Variants in TLL2 observed in about 807,000 individuals in gnomAD.
The protein encoded by TLL2 is tolloid like 2.
TLL2 carries 106 observed loss-of-function variants against 123.0 expected under a neutral mutation model. That is an observed-to-expected ratio of 0.86 (90% CI 0.74 to 1.01). The LOEUF (loss-of-function observed/expected upper bound fraction) is 1.01, where lower values mean the gene tolerates loss of function less well. Ranked by LOEUF, TLL2 falls within the 50% of genes least tolerant of loss-of-function variation. The probability of loss-of-function intolerance (pLI) is 0.00; values close to 1 mark genes in which losing one functional copy is unlikely to be tolerated. For synonymous variants in TLL2, 494 were observed against 516.8 expected, an observed-to-expected ratio of 0.96 and a Z score of 0.60; for missense variants, 1,332 against 1,336.7, an observed-to-expected ratio of 1.00 and a Z score of 0.06.
At position 96,413,184 on chromosome 10, in the gene TLL2, A is replaced by G; in HGVS notation, c.1048+8T>C. ...GAGGTGCTGGCAGTCCCCACGGCTC[A>G]TAGTTACCTGGGCATTTGTACAGCT... On this transcript the variant is annotated splice_region_variant and intron_variant, in intron 8 of 20. Coordinates refer to ENST00000357947, the MANE Select transcript of TLL2 (RefSeq NM_012465.4). 2 of 1,613,878 alleles carry G rather than the reference A, an allele frequency of 1.2e-6. No homozygotes were observed. Among genetic ancestry groups the G allele is most frequent in the East Asian group, 2.2e-5 (1 of 44,860 alleles).
At chr10:96,456,339 CAT>C (rs1210935990) in intron 2 of TLL2, among the ~76,000 whole-genome samples, 6 of 152,182 alleles carry the variant, frequency 3.9e-5, no homozygotes, top group East Asian at 1.9e-4. Context: ...CTCACAGACA[CAT>C]GTGTGTATTC....
At chr10:96,370,548 G>C (rs1250203055) in intron 19 of TLL2, among the ~76,000 whole-genome samples, 1 of 152,232 alleles carries the variant, frequency 6.6e-6, no homozygotes, top group African/African-American at 2.4e-5. Context: ...CCCAGCTTGA[G>C]AATACGTGAG....
rs1846703756 is a variant in TLL2 at position 96,428,689 on chromosome 10, TC to T, written c.579del (p.Thr194ProfsTer3). ...AMRHWEKHTC[V>X]TFIERTDEES... ...TCCTCATCCGTCCTTTCTATGAAGG[TC>T]ACACAGGTGTGCTTCTCCCAGTGTC... is the stretch of plus-strand genomic sequence containing the variant. On this transcript the variant is annotated frameshift_variant, in exon 5 of 21. Coordinates refer to ENST00000357947, the MANE Select transcript of TLL2 (RefSeq NM_012465.4). LOFTEE classifies it high-confidence loss of function. 2 of 1,613,984 alleles carry T rather than the reference TC, an allele frequency of 1.2e-6. No homozygotes were observed. The highest frequency in any genetic ancestry group is 8.5e-7 in the Non-Finnish European group (1 of 1,179,990).
intron 18 of TLL2, chr10:96,374,380 G>T: frequency 6.3e-6 from 1 of 159,066 alleles, no homozygotes. Flanking sequence ...GCCATGATCT[G>T]GTGCTCTGGC....
At position 96,367,882 on chromosome 10, in the gene TLL2, A is replaced by G. The variant is rs1846043958; in HGVS notation, c.*206T>C. 1.0e-5 allele frequency: 6 copies of G among 586,742 alleles called. No homozygotes were observed. Among genetic ancestry groups the G allele is most frequent in the African/African-American group, 9.3e-5 (5 of 53,800 alleles). The allele number at this position is 586,742 out of a possible 1,614,324, so 36.3% of individuals were successfully genotyped here. On this transcript the variant is annotated 3_prime_UTR_variant, in exon 21 of 21. Transcript: ENST00000357947. ...TCATGAATGATAACATTGCAGACAG[A>G]AGCAAAAGAACATTTTTCTCTCCAC...
chr10:96,505,254 T>A (rs1032550452), intron 1 of TLL2, among the ~76,000 whole-genome samples: 1 of 152,096 alleles, frequency 6.6e-6, no homozygotes, highest in Admixed American at 6.6e-5. Context: ...TTGTGAGAAC[T>A]CGCTCACCAT....
At chr10:96,396,734 C>T (rs1846345646) in intron 11 of TLL2, among the ~76,000 whole-genome samples, 1 of 152,070 alleles carries the variant, frequency 6.6e-6, no homozygotes, top group Non-Finnish European at 1.5e-5. Flanking sequence ...CCAGGGTAGC[C>T]TCAGAGGCCC....
chr10:96,476,234 A>ATTTTTTTTTTTTTTTTT (rs1232966569), intron 2 of TLL2, among the ~76,000 whole-genome samples: 3 of 21,520 alleles, frequency 1.4e-4, no homozygotes, highest in African/African-American at 5.4e-4. Context: ...ATATATATAT[A>ATTTTTTTTTTTTTTTTT]TATATATTTT....
intron 2 of TLL2, among the ~76,000 whole-genome samples, chr10:96,463,985 C>G (rs1378662188): frequency 6.6e-6 from 1 of 152,218 alleles, no homozygotes; most frequent in Non-Finnish European, 1.5e-5. Flanking sequence ...ACAAAACACC[C>G]AAGCCCTCTC....
At chr10:96,394,039 A>G (rs1240368059) in intron 13 of TLL2, among the ~76,000 whole-genome samples, 1 of 152,204 alleles carries the variant, frequency 6.6e-6, no homozygotes, top group Non-Finnish European at 1.5e-5. Context: ...TCTGGGTGAC[A>G]GTGCAGAAGT....
Position 96,405,251 on chromosome 10 carries a change from C to T in TLL2, c.1248G>A (p.Trp416Ter). 6.2e-7 allele frequency: 1 copy of T among 1,614,152 alleles called. No individual in the cohort carries two copies. Among genetic ancestry groups the T allele is most frequent in the Non-Finnish European group, 8.5e-7 (1 of 1,180,012 alleles). The change falls in exon 10 of 21, where the codon TGG becomes TGA. Residue 416 changes from tryptophan to a stop codon, truncating the protein, a stop_gained. Transcript: ENST00000357947. LOFTEE classifies it high-confidence loss of function. ...ACTTACCCAAAAGGGGGGCTTTTCTCCAGTAACCATCCCGGACCTCCACGT... is the reference window on the plus strand; with the variant it reads ...ACTTACCCAAAAGGGGGGCTTTTCTTCAGTAACCATCCCGGACCTCCACGT... Reference protein sequence around the residue: ...YDYVEVRDGYWRKAPLLGRFC... With the variant: ...YDYVEVRDGY
chr10:96,392,877 C>A (rs1283636254), intron 13 of TLL2, among the ~76,000 whole-genome samples: 1 of 152,088 alleles, frequency 6.6e-6, no homozygotes, highest in Non-Finnish European at 1.5e-5. Flanking sequence ...AGGAGATTCT[C>A]CTGGATTATC....
Position 96,370,047 on chromosome 10 carries a change from A to C in TLL2, c.2913+18T>G, listed in dbSNP as rs1245404327. ...AATCATCACACTCTGCCCCGGCCCC[A>C]GCGTCTCCGGGACTTACCCCAGAGC... On this transcript the variant is annotated intron_variant, in intron 20 of 20. Transcript: ENST00000357947. The C allele has an allele frequency of 1.5e-5, 23 of 1,552,820 alleles. No individual in the cohort carries two copies. The highest frequency in any genetic ancestry group is 1.9e-5 in the Non-Finnish European group (22 of 1,151,478).
At chr10:96,419,519 G>C (rs1846599045) in intron 7 of TLL2, among the ~76,000 whole-genome samples, 1 of 151,280 alleles carries the variant, frequency 6.6e-6, no homozygotes, top group African/African-American at 2.5e-5. Context: ...CTTTGGAAAA[G>C]AGCCAGGAGA....
chr10:96,396,904 C>T (rs976512693), intron 11 of TLL2, among the ~76,000 whole-genome samples: 5 of 152,184 alleles, frequency 3.3e-5, no homozygotes, highest in African/African-American at 4.8e-5. Context: ...CCCCCAATAC[C>T]GTCCTGTATG....
intron 2 of TLL2, among the ~76,000 whole-genome samples, chr10:96,471,738 C>T (rs185300461): frequency 3.9e-5 from 6 of 152,184 alleles, no homozygotes; most frequent in East Asian, 1.9e-4. Context: ...TGCTGGGCTC[C>T]GACACCCACG....
chr10:96,510,870 A>G (rs1252450191), intron 1 of TLL2, among the ~76,000 whole-genome samples: 1 of 152,236 alleles, frequency 6.6e-6, no homozygotes, highest in Admixed American at 6.5e-5. Flanking sequence ...GCCCAGGGCA[A>G]GACGGTTGAT....
rs1213544901 is a variant in TLL2 at position 96,367,925 on chromosome 10, C to T, written c.*163G>A. ...CTCTCCACCTTGTTGGCCAAACTTA[C>T]AAGACTTTCATTCAAATATATACCT... On this transcript the variant is annotated 3_prime_UTR_variant, in exon 21 of 21. Transcript: ENST00000357947. 8 of 858,532 alleles carry T rather than the reference C, an allele frequency of 9.3e-6. No homozygotes were observed. The highest frequency in any genetic ancestry group is 1.2e-5 in the Non-Finnish European group (7 of 583,218). The allele number at this position is 858,532 out of a possible 1,614,324, so 53.2% of individuals were successfully genotyped here.
At chr10:96,482,346 A>C (rs758897243) in intron 1 of TLL2, among the ~76,000 whole-genome samples, 5 of 152,230 alleles carry the variant, frequency 3.3e-5, no homozygotes, top group Non-Finnish European at 5.9e-5. Flanking sequence ...AAAAGAAATG[A>C]AAACACATGT....
Sources: allele counts gnomAD v4.1 joint callset (sites outside exome capture counted in the v4.1 genomes callset), GRCh38; gene constraint gnomAD v4.1.1; transcripts MANE v1.5; gene names NCBI Gene and HGNC (gene_info 2026-07-23, HGNC 2026-07-21).